The following NRXN1 variants were observed in gnomAD, a reference collection of about 807,000 sequenced individuals.
NRXN1 encodes the protein neurexin 1, also known as neurexin-1.
Under a neutral mutation model 150.9 loss-of-function variants are expected in NRXN1, and 39 were observed. The ratio of observed to expected loss-of-function variants is 0.26; its 90% confidence interval spans 0.20 to 0.34. The LOEUF (loss-of-function observed/expected upper bound fraction) is 0.34, where lower values mean the gene tolerates loss of function less well. Among genes scored for constraint, NRXN1 ranks in the 10% least tolerant of loss-of-function variants. The pLI is 1.00. For missense variants in NRXN1, 1,815 were observed against 1,949.9 expected (o/e 0.93, Z 1.30); for synonymous variants, 924 against 757.0 (o/e 1.22, Z -3.62).
chr2:50,828,431 A>C lies in NRXN1; in HGVS notation c.832+93438T>G, dbSNP rs1042294296. Among the ~76,000 whole-genome samples, 260 of 150,564 alleles carry C rather than the reference A, an allele frequency of 1.7e-3. 1 individual carries two copies. The highest frequency in any genetic ancestry group is 6.9e-3 in the Middle Eastern group (2 of 288). The stretch of plus-strand genomic sequence containing the variant: ...GGCGGAGGGGCTCCTCACTTCTCAG[A>C]CGGGGCGGCTGCCGGGCGGAGGGGC... On this transcript the variant is annotated intron_variant, in intron 5 of 22. Transcript: ENST00000401669.
chr2:50,067,710 A>G (rs1258732718), intron 19 of NRXN1, among the ~76,000 whole-genome samples: 2 of 152,208 alleles, frequency 1.3e-5, no homozygotes, highest in Non-Finnish European at 2.9e-5. Context: ...AGACATCACT[A>G]AATACTGAGA....
At chr2:50,533,509 A>G (rs1238401964) in intron 10 of NRXN1, among the ~76,000 whole-genome samples, 1 of 152,152 alleles carries the variant, frequency 6.6e-6, no homozygotes, top group Non-Finnish European at 1.5e-5. Flanking sequence ...TCCATTTGCA[A>G]GTCTGCAAGT....
intron 8 of NRXN1, among the ~76,000 whole-genome samples, chr2:50,594,313 G>A (rs528829205): frequency 2.2e-4 from 34 of 152,192 alleles, no homozygotes; most frequent in African/African-American, 4.1e-4. Context: ...TTCATATTTG[G>A]TAGTGAGGTA....
chr2:50,027,759 G>C (rs1376259911), intron 21 of NRXN1, among the ~76,000 whole-genome samples: 1 of 152,144 alleles, frequency 6.6e-6, no homozygotes, highest in African/African-American at 2.4e-5. Flanking sequence ...GCAGGGCCCT[G>C]CATATTGTAG....
chr2:51,000,401 A>T (rs1699878319), intron 2 of NRXN1, among the ~76,000 whole-genome samples: 1 of 151,980 alleles, frequency 6.6e-6, no homozygotes, highest in African/African-American at 2.4e-5. Context: ...ATCCATACAA[A>T]CAGGGCTTCC....
intron 5 of NRXN1, among the ~76,000 whole-genome samples, chr2:50,838,825 C>T (rs1463603674): frequency 6.6e-6 from 1 of 152,202 alleles, no homozygotes; most frequent in African/African-American, 2.4e-5. Flanking sequence ...GACGTCTATC[C>T]TCCAGAACCG....
chr2:50,546,621 A>G (rs1299596385), intron 9 of NRXN1, among the ~76,000 whole-genome samples: 1 of 152,180 alleles, frequency 6.6e-6, no homozygotes, highest in Non-Finnish European at 1.5e-5. Flanking sequence ...TATAAAAAAT[A>G]CTTTGAGTGT....
At chr2:50,623,681 C>T (rs1680463801) in intron 5 of NRXN1, 66 bp from the exon 6 acceptor site, 8 of 1,145,118 alleles carry the variant, frequency 7.0e-6, no homozygotes, top group Middle Eastern at 5.7e-4. Context: ...CAGGTCTTAA[C>T]AGAAACAATA....
At chr2:50,467,665 A>G (rs2089040238) in intron 16 of NRXN1, among the ~76,000 whole-genome samples, 1 of 151,470 alleles carries the variant, frequency 6.6e-6, no homozygotes, top group Non-Finnish European at 1.5e-5. Context: ...AATAATAATA[A>G]TAATAACAGC....
At chr2:50,813,895 C>T (rs567632706) in intron 5 of NRXN1, among the ~76,000 whole-genome samples, 31 of 152,114 alleles carry the variant, frequency 2.0e-4, no homozygotes, top group Non-Finnish European at 4.4e-4. Flanking sequence ...TTTAACAATA[C>T]ATCTTCTGAT....
intron 5 of NRXN1, among the ~76,000 whole-genome samples, chr2:50,861,917 C>T (rs541836274): frequency 6.6e-6 from 1 of 152,026 alleles, no homozygotes; most frequent in Non-Finnish European, 1.5e-5. Flanking sequence ...GAAATACTCT[C>T]AGGGCTGGGT....
At chr2:50,995,908 TTAAAGA>T (rs764092251) in intron 2 of NRXN1, among the ~76,000 whole-genome samples, 68 of 152,068 alleles carry the variant, frequency 4.5e-4, no homozygotes, top group Non-Finnish European at 9.4e-4. Flanking sequence ...GGGAGGGATC[TTAAAGA>T]TAATAACTTT....
intron 13 of NRXN1, among the ~76,000 whole-genome samples, chr2:50,499,945 C>T (rs1046841628): frequency 4.1e-4 from 45 of 108,696 alleles, no homozygotes; most frequent in Middle Eastern, 4.6e-3. Context: ...AAGACTCCAT[C>T]TCAAAAAAAA....
At chr2:50,736,124 C>A (rs191627780) in intron 5 of NRXN1, among the ~76,000 whole-genome samples, 1 of 152,132 alleles carries the variant, frequency 6.6e-6, no homozygotes, top group African/African-American at 2.4e-5. Flanking sequence ...CCCTGCTTCC[C>A]GTATTTCAGC....
At chr2:50,161,956 GACA>G (rs1426196098) in intron 18 of NRXN1, among the ~76,000 whole-genome samples, 2 of 152,020 alleles carry the variant, frequency 1.3e-5, no homozygotes, top group African/African-American at 4.8e-5. Flanking sequence ...AGAGTTCAGG[GACA>G]ACAACAAGAA....
intron 2 of NRXN1, among the ~76,000 whole-genome samples, chr2:50,971,679 C>T (rs1414763323): frequency 6.6e-6 from 1 of 151,956 alleles, no homozygotes; most frequent in Non-Finnish European, 1.5e-5. Flanking sequence ...CTCCATTCAT[C>T]CTCTTTATAT....
At chr2:50,387,138 A>G (rs1272764067) in intron 17 of NRXN1, among the ~76,000 whole-genome samples, 1 of 152,130 alleles carries the variant, frequency 6.6e-6, no homozygotes, top group Non-Finnish European at 1.5e-5. Context: ...ACTTTTATCC[A>G]TGAATATACA....
chr2:50,329,538 A>G (rs892028642), intron 17 of NRXN1, among the ~76,000 whole-genome samples: 1 of 143,218 alleles, frequency 7.0e-6, no homozygotes, highest in Non-Finnish European at 1.5e-5. Context: ...CACTTCGTAC[A>G]CAATACAAAT....
At chr2:50,932,863 C>A (rs1014924363) in intron 2 of NRXN1, among the ~76,000 whole-genome samples, 2 of 152,000 alleles carry the variant, frequency 1.3e-5, no homozygotes, top group Admixed American at 6.6e-5. Context: ...ATAGATCCTG[C>A]TGCAAGAAGG....
Sources: gnomAD v4.1 joint callset for allele counts (sites outside exome capture counted in the v4.1 genomes callset) on GRCh38, gnomAD v4.1.1 for gene constraint, MANE v1.5 for transcripts, NCBI Gene and HGNC (gene_info 2026-07-23, HGNC 2026-07-21) for gene names.